The following COL10A1 variants were observed in gnomAD, a reference collection of about 807,000 sequenced individuals.
COL10A1 encodes the protein collagen alpha-1(X) chain.
COL10A1 carries 10 observed loss-of-function variants against 18.2 expected under a neutral mutation model. The ratio of observed to expected loss-of-function variants is 0.55; its 90% confidence interval spans 0.34 to 0.93. The LOEUF is 0.93. Ranked by LOEUF, COL10A1 falls within the 40% of genes least tolerant of loss-of-function variation. COL10A1 has a pLI of 0.02. For synonymous variants in COL10A1, 330 were observed against 316.6 expected (o/e 1.04, Z -0.45); for missense variants, 897 against 853.5 (o/e 1.05, Z -0.64).
rs150717921 is a variant in COL10A1 at position 116,143,992 on chromosome 6, TAGAA to T, written c.-16+14618_-16+14621del. ...CCTTTTTATAACTTGAGAAAAAACT[TAGAA>T]AGATTAGGAGCTTTATCATTATGAT... On this transcript the variant is annotated intron_variant, in intron 1 of 1. Transcript: ENST00000418500. 3.9e-3 allele frequency among the ~76,000 whole-genome samples: 594 copies of T among 152,312 alleles called. 3 individuals carry two copies. Among genetic ancestry groups the T allele is most frequent in the Admixed American group, 6.3e-3 (97 of 15,300 alleles).
chr6:116,130,056 C>CAG (rs1779422990), upstream of COL10A1, among the ~76,000 whole-genome samples: 1 of 152,022 alleles, frequency 6.6e-6, no homozygotes, highest in Non-Finnish European at 1.5e-5. Flanking sequence ...TGGTAATTGC[C>CAG]TACAGTCAAT....
At chr6:116,212,176 CT>C in the COL10A1 span, among the ~76,000 whole-genome samples, 127 of 152,148 alleles carry the variant, frequency 8.3e-4, 1 homozygote, top group Middle Eastern at 3.4e-3. Flanking sequence ...TAAAATCTCA[CT>C]GATTTGAAAC....
At chr6:116,178,848 G>C in the COL10A1 span, among the ~76,000 whole-genome samples, 7 of 152,184 alleles carry the variant, frequency 4.6e-5, no homozygotes, top group Admixed American at 1.3e-4. Context: ...TGCAATTTCA[G>C]TGTTTGCCTT....
At chr6:116,131,088 T>G (rs183975201), upstream of COL10A1, among the ~76,000 whole-genome samples, 3 of 152,332 alleles carry the variant, frequency 2.0e-5, no homozygotes, top group Non-Finnish European at 4.4e-5. Context: ...ATAAAGTACA[T>G]ATGTTTTCTC....
chr6:116,167,206 A>ATTTTTTTTTTT, the COL10A1 span, among the ~76,000 whole-genome samples: 1 of 87,794 alleles, frequency 1.1e-5, no homozygotes, highest in Admixed American at 1.5e-4. Flanking sequence ...CAAATAGAAG[A>ATTTTTTTTTTT]TTTTTTTTTT....
At chr6:116,183,144 T>G in the COL10A1 span, among the ~76,000 whole-genome samples, 1 of 152,162 alleles carries the variant, frequency 6.6e-6, no homozygotes, top group South Asian at 2.1e-4. Flanking sequence ...CTTTCTCCAC[T>G]TTATGTTTTT....
the COL10A1 span, among the ~76,000 whole-genome samples, chr6:116,202,309 G>A: frequency 6.6e-6 from 1 of 151,896 alleles, no homozygotes; most frequent in African/African-American, 2.4e-5. Context: ...GGAATACATA[G>A]ATCAGTAGCA....
intron 1 of COL10A1, among the ~76,000 whole-genome samples, chr6:116,144,844 G>A (rs1349807515): frequency 6.6e-6 from 1 of 152,146 alleles, no homozygotes; most frequent in Admixed American, 6.6e-5. Flanking sequence ...CATGATAGGA[G>A]AATGAGAGCT....
the COL10A1 span, among the ~76,000 whole-genome samples, chr6:116,202,499 T>C: frequency 6.6e-6 from 1 of 151,974 alleles, no homozygotes; most frequent in South Asian, 2.1e-4. Flanking sequence ...CTTTAGAAAA[T>C]TATTATTGGC....
At chr6:116,134,845 A>G (rs1288453764) in intron 1 of COL10A1, among the ~76,000 whole-genome samples, 1 of 152,160 alleles carries the variant, frequency 6.6e-6, no homozygotes, top group Non-Finnish European at 1.5e-5. Context: ...GAAAGTAGGC[A>G]TGGTAGGAGG....
At chr6:116,216,315 T>TTTTTATA in the COL10A1 span, among the ~76,000 whole-genome samples, 1 of 151,920 alleles carries the variant, frequency 6.6e-6, no homozygotes, top group Non-Finnish European at 1.5e-5. Context: ...AGAATTCTGG[T>TTTTTATA]TTTTATATTT....
chr6:116,124,400 G>T (rs537290477), intron 2 of COL10A1, among the ~76,000 whole-genome samples: 1 of 152,156 alleles, frequency 6.6e-6, no homozygotes, highest in East Asian at 1.9e-4. Flanking sequence ...TGAATATGAG[G>T]CCTAGAAGTT....
At chr6:116,140,691 T>G (rs948959495) in intron 1 of COL10A1, among the ~76,000 whole-genome samples, 2 of 152,136 alleles carry the variant, frequency 1.3e-5, no homozygotes, top group African/African-American at 4.8e-5. Flanking sequence ...CACAATAATG[T>G]TTTTCTTGCA....
At chr6:116,151,968 T>C (rs761916405) in intron 1 of COL10A1, among the ~76,000 whole-genome samples, 1 of 152,214 alleles carries the variant, frequency 6.6e-6, no homozygotes, top group African/African-American at 2.4e-5. Flanking sequence ...CCAACTTTAT[T>C]GAAAACACTT....
intron 1 of COL10A1, among the ~76,000 whole-genome samples, chr6:116,136,711 G>A (rs1779614517): frequency 6.6e-6 from 1 of 152,094 alleles, no homozygotes; most frequent in Admixed American, 6.6e-5. Flanking sequence ...TCCATATGCT[G>A]TTATCATGAG....
At chr6:116,180,550 CAAAG>C in the COL10A1 span, among the ~76,000 whole-genome samples, 3 of 152,002 alleles carry the variant, frequency 2.0e-5, no homozygotes, top group Non-Finnish European at 4.4e-5. Flanking sequence ...AATCTTATCA[CAAAG>C]AAAGAAACAT....
chr6:116,174,512 A>G, the COL10A1 span, among the ~76,000 whole-genome samples: 2 of 152,224 alleles, frequency 1.3e-5, no homozygotes, highest in Non-Finnish European at 2.9e-5. Flanking sequence ...TGAATATAAA[A>G]TTTAGAGTGC....
At chr6:116,149,056 A>G (rs534371577) in intron 1 of COL10A1, among the ~76,000 whole-genome samples, 2 of 152,168 alleles carry the variant, frequency 1.3e-5, no homozygotes, top group East Asian at 3.9e-4. Flanking sequence ...TGTTTTTTAA[A>G]TTTTCTTTCT....
At chr6:116,211,930 A>C in the COL10A1 span, among the ~76,000 whole-genome samples, 1 of 151,984 alleles carries the variant, frequency 6.6e-6, no homozygotes, top group South Asian at 2.1e-4. Flanking sequence ...TGTTGCAAAG[A>C]GTATTGGGGT....
Sources: allele counts gnomAD v4.1 joint callset (sites outside exome capture counted in the v4.1 genomes callset), GRCh38; gene constraint gnomAD v4.1.1; transcripts MANE v1.5; gene names NCBI Gene and HGNC (gene_info 2026-07-23, HGNC 2026-07-21).